Variants in CC2D2A observed in about 807,000 individuals in gnomAD.
The protein encoded by CC2D2A is coiled-coil and C2 domain-containing protein 2A.
In CC2D2A, 155 loss-of-function variants were observed where a neutral mutation model predicts 212.9. The ratio of observed to expected loss-of-function variants is 0.73; its 90% CI spans 0.64 to 0.83. The LOEUF is 0.83. Among genes scored for constraint, CC2D2A ranks in the 40% least tolerant of loss-of-function variants. The probability of loss-of-function intolerance (pLI) is 0.00; values close to 1 mark genes in which losing one functional copy is unlikely to be tolerated. For missense variants in CC2D2A, 1,856 were observed against 1,956.2 expected (o/e 0.95, Z 0.97); for synonymous variants, 667 against 686.5 (o/e 0.97, Z 0.44).
intron 11 of CC2D2A, among the ~76,000 whole-genome samples, chr4:15,526,166 T>C (rs1164020465): frequency 6.6e-6 from 1 of 152,226 alleles, no homozygotes; most frequent in Non-Finnish European, 1.5e-5. Context: ...CCCTTCTAAA[T>C]TGATTGCTGC....
In CC2D2A at chr4:15,597,396, C is replaced by G. The variant is rs576340356; in HGVS notation, c.4438-11C>G. On this transcript the variant is annotated splice_polypyrimidine_tract_variant and intron_variant, in intron 34 of 36. Coordinates refer to ENST00000424120, the MANE Select transcript of CC2D2A (RefSeq NM_001378615.1). ...ATTTTTATACTTTCTGAACTATTTT[C>G]TCTTCTATAGCCTGAAGAGCTAATT... is the stretch of plus-strand genomic sequence containing the variant. 5 of 1,543,818 alleles carry G rather than the reference C, an allele frequency of 3.2e-6. No homozygotes were observed. The South Asian group carries it at 6.1e-5, about 19-fold the overall frequency.
At chr4:15,522,034 T>C (rs1717231945) in intron 11 of CC2D2A, among the ~76,000 whole-genome samples, 2 of 151,954 alleles carry the variant, frequency 1.3e-5, no homozygotes, top group South Asian at 2.1e-4. Flanking sequence ...CCCCCCTACC[T>C]CTACAAAAAA....
intron 4 of CC2D2A, among the ~76,000 whole-genome samples, chr4:15,499,248 A>G (rs745824174): frequency 1.3e-5 from 2 of 152,206 alleles, no homozygotes; most frequent in Non-Finnish European, 2.9e-5. Context: ...TAAGCCCCCA[A>G]GCAAACTATG....
chr4:15,557,331 CCT>C lies in CC2D2A; in HGVS notation c.2654_2655del (p.Pro885ArgfsTer4). 1 of 1,612,512 alleles carries C rather than the reference CCT, an allele frequency of 6.2e-7. No homozygotes were observed. The highest frequency in any genetic ancestry group is 8.5e-7 in the Non-Finnish European group (1 of 1,179,120). ...SVATSGESYV[P>X]DFFRLEQLQQ... ...TGCTACCAGTGGTGAATCCTATGTC[CCT>C]GATTTCTTTAGACTGGAGCAGCTGC... On this transcript the variant is annotated frameshift_variant, in exon 21 of 37. Transcript: ENST00000424120. LOFTEE classifies it high-confidence loss of function.
chr4:15,510,528 C>T (rs565726191), intron 7 of CC2D2A, among the ~76,000 whole-genome samples: 1 of 152,196 alleles, frequency 6.6e-6, no homozygotes, highest in East Asian at 1.9e-4. Context: ...CCCATGAGGT[C>T]GAAGCTGCAG....
chr4:15,501,869 G>A (rs1165689153), intron 4 of CC2D2A, among the ~76,000 whole-genome samples: 6 of 152,140 alleles, frequency 3.9e-5, no homozygotes, highest in African/African-American at 1.4e-4. Flanking sequence ...CTGCCTGATA[G>A]TTCATGATAT....
chr4:15,551,596 T>C (rs372806828), intron 18 of CC2D2A, among the ~76,000 whole-genome samples: 44 of 152,334 alleles, frequency 2.9e-4, no homozygotes, highest in Middle Eastern at 3.4e-3. Flanking sequence ...TTCCAATTAC[T>C]GTATATTTCA....
intron 11 of CC2D2A, among the ~76,000 whole-genome samples, chr4:15,518,801 T>C (rs1415730570): frequency 6.6e-6 from 1 of 152,246 alleles, no homozygotes; most frequent in East Asian, 1.9e-4. Context: ...CTTTTAGTCA[T>C]GGCTGGAGTA....
chr4:15,519,718 G>A (rs2109016804), intron 11 of CC2D2A: 1 of 420,944 alleles, frequency 2.4e-6, no homozygotes, highest in South Asian at 1.8e-5. Flanking sequence ...GCTTGTGCAG[G>A]GAAACTCCCA....
chr4:15,506,830 T>A (rs1716281793), intron 6 of CC2D2A, among the ~76,000 whole-genome samples: 1 of 151,942 alleles, frequency 6.6e-6, no homozygotes, highest in Non-Finnish European at 1.5e-5. Flanking sequence ...TCCCAGCACT[T>A]TGGGAGGCTG....
chr4:15,552,905 A>G (rs1435884542), intron 18 of CC2D2A, among the ~76,000 whole-genome samples: 1 of 152,250 alleles, frequency 6.6e-6, no homozygotes, highest in Non-Finnish European at 1.5e-5. Context: ...CCAAGGTCAC[A>G]AAGCTGTGAA....
At chr4:15,533,545 A>G (rs975733055) in intron 14 of CC2D2A, 4 of 386,250 alleles carry the variant, frequency 1.0e-5, no homozygotes, top group Non-Finnish European at 4.6e-6. Flanking sequence ...TTTTGTGATC[A>G]TTGTTTTCTT....
intron 13 of CC2D2A, among the ~76,000 whole-genome samples, chr4:15,532,429 G>A (rs1307283004): frequency 6.6e-6 from 1 of 152,122 alleles, no homozygotes; most frequent in Non-Finnish European, 1.5e-5. Flanking sequence ...GGTTCCTCAT[G>A]ATACTTTCTT....
chr4:15,533,104 T>C, intron 13 of CC2D2A, 89 bp from the exon 14 acceptor site: 1 of 1,064,136 alleles, frequency 9.4e-7, no homozygotes, highest in Non-Finnish European at 1.3e-6. Flanking sequence ...GCTATCAAAT[T>C]GAATATACAA....
intron 4 of CC2D2A, among the ~76,000 whole-genome samples, chr4:15,496,146 C>T (rs1715601524): frequency 6.6e-6 from 1 of 152,070 alleles, no homozygotes; most frequent in African/African-American, 2.4e-5. Flanking sequence ...TTGTCAGTTG[C>T]ATAGTTTGCA....
chr4:15,571,334 A>G (rs978824426), intron 28 of CC2D2A, among the ~76,000 whole-genome samples: 5 of 152,204 alleles, frequency 3.3e-5, no homozygotes, highest in African/African-American at 1.2e-4. Context: ...GATTAAGGGG[A>G]TCCATTAAGT....
intron 28 of CC2D2A, among the ~76,000 whole-genome samples, chr4:15,572,172 A>G (rs1302610202): frequency 1.3e-5 from 2 of 152,192 alleles, no homozygotes; most frequent in Admixed American, 1.3e-4. Context: ...ATTGCCGGGT[A>G]GTTTATACAT....
At chr4:15,491,914 T>G (rs1715325188) in intron 4 of CC2D2A, among the ~76,000 whole-genome samples, 1 of 152,252 alleles carries the variant, frequency 6.6e-6, no homozygotes, top group Admixed American at 6.5e-5. Context: ...ATATTTTTAT[T>G]ATGGATTGTG....
chr4:15,555,869 G>GGAAGCT (rs201771950), intron 20 of CC2D2A, among the ~76,000 whole-genome samples: 4 of 152,180 alleles, frequency 2.6e-5, no homozygotes, highest in Non-Finnish European at 4.4e-5. Flanking sequence ...TCTCCAGAGA[G>GGAAGCT]GAAGCTGAGT....
Sources: gnomAD v4.1 joint callset for allele counts (sites outside exome capture counted in the v4.1 genomes callset) on GRCh38, gnomAD v4.1.1 for gene constraint, MANE v1.5 for transcripts, NCBI Gene and HGNC (gene_info 2026-07-23, HGNC 2026-07-21) for gene names.